The following ZBTB20 variants were observed in gnomAD, a reference collection of about 807,000 sequenced individuals.
The protein encoded by ZBTB20 is zinc finger and BTB domain-containing protein 20.
A neutral mutation model predicts 56.9 loss-of-function variants in ZBTB20; 9 were observed. The observed-to-expected ratio is 0.16, with a 90% CI of 0.10 to 0.28. The LOEUF (loss-of-function observed/expected upper bound fraction) is 0.28, where lower values mean the gene tolerates loss of function less well. ZBTB20 is among the 10% of genes least tolerant of loss of function. ZBTB20 has a pLI of 1.00. For missense variants in ZBTB20, 655 were observed against 1,003.0 expected (o/e 0.65, Z 4.69); for synonymous variants, 417 against 420.7 (o/e 0.99, Z 0.11).
intron 3 of ZBTB20, among the ~76,000 whole-genome samples, chr3:114,924,377 T>G (rs1486008693): frequency 6.6e-6 from 1 of 152,198 alleles, no homozygotes; most frequent in Non-Finnish European, 1.5e-5. Context: ...AAATATTATT[T>G]TGCCATAAAA....
chr3:114,606,050 C>T (rs957318841), intron 6 of ZBTB20, among the ~76,000 whole-genome samples: 1 of 152,084 alleles, frequency 6.6e-6, no homozygotes, highest in African/African-American at 2.4e-5. Context: ...AACAACGTTC[C>T]CAGCAGAGAA....
intron 2 of ZBTB20, among the ~76,000 whole-genome samples, chr3:115,053,915 C>G (rs2081651229): frequency 6.6e-6 from 1 of 152,028 alleles, no homozygotes; most frequent in African/African-American, 2.4e-5. Context: ...GTTGGTTTAT[C>G]ATTATATTGC....
At chr3:114,938,981 G>A (rs902498253) in intron 3 of ZBTB20, among the ~76,000 whole-genome samples, 1 of 144,998 alleles carries the variant, frequency 6.9e-6, no homozygotes, top group Non-Finnish European at 1.5e-5. Flanking sequence ...CTAGTATTGG[G>A]CAGAAATGTC....
chr3:114,982,583 T>A (rs2078372691), intron 2 of ZBTB20, among the ~76,000 whole-genome samples: 1 of 152,024 alleles, frequency 6.6e-6, no homozygotes, highest in Admixed American at 6.6e-5. Flanking sequence ...TATAAATTCA[T>A]TCCATTTAAT....
chr3:115,128,968 G>A (rs1321183448), intron 1 of ZBTB20, among the ~76,000 whole-genome samples: 4 of 151,930 alleles, frequency 2.6e-5, no homozygotes, highest in Non-Finnish European at 5.9e-5. Flanking sequence ...GCGTGGTGTC[G>A]GGCGCCTGTA....
Position 114,350,729 on chromosome 3 carries a change from T to C in ZBTB20, c.1349A>G (p.Asn450Ser), listed in dbSNP as rs2080591676. 1 of 1,614,208 alleles carries C rather than the reference T, an allele frequency of 6.2e-7. No homozygotes were observed. The highest frequency in any genetic ancestry group is 1.3e-5 in the African/African-American group (1 of 75,068). Residue 450 changes from asparagine (N) to serine (S), a missense_variant, in exon 11 of 12, where the codon AAC becomes AGC. Coordinates refer to ENST00000675478, the MANE Select transcript of ZBTB20 (RefSeq NM_001348800.3). ...TTGTAGGACGCTCTTGTCGGAGCTG[T>C]TGCTGACAGTGATAACAGTGCTGTC... ...EMDSTVITVS[N>S]SSDKSVLQQP... is the part of the protein sequence containing the mutation.
At chr3:114,649,406 T>C (rs2060010328) in intron 6 of ZBTB20, among the ~76,000 whole-genome samples, 1 of 152,026 alleles carries the variant, frequency 6.6e-6, no homozygotes, top group Admixed American at 6.6e-5. Context: ...TGGGCTCATT[T>C]AATAAAAGAA....
At chr3:114,829,427 T>C (rs2073723299) in intron 4 of ZBTB20, among the ~76,000 whole-genome samples, 1 of 151,894 alleles carries the variant, frequency 6.6e-6, no homozygotes, top group African/African-American at 2.4e-5. Context: ...ACATTTAGTC[T>C]GAGTTTCCCA....
At chr3:114,678,222 A>C (rs530642894) in intron 6 of ZBTB20, among the ~76,000 whole-genome samples, 1 of 152,340 alleles carries the variant, frequency 6.6e-6, no homozygotes, top group South Asian at 2.1e-4. Flanking sequence ...ACAAGAAAAT[A>C]AAAACATATT....
chr3:114,998,911 T>C (rs945788194), intron 2 of ZBTB20, among the ~76,000 whole-genome samples: 7 of 150,136 alleles, frequency 4.7e-5, no homozygotes, highest in African/African-American at 1.7e-4. Flanking sequence ...GATCCATATA[T>C]AGTAACTGAA....
intron 6 of ZBTB20, among the ~76,000 whole-genome samples, chr3:114,629,505 T>A (rs188210866): frequency 5.6e-4 from 86 of 152,296 alleles, no homozygotes; most frequent in Admixed American, 1.0e-3. Flanking sequence ...AAATTTGATA[T>A]TTAAACTGTA....
intron 6 of ZBTB20, among the ~76,000 whole-genome samples, chr3:114,572,186 T>G (rs1490707381): frequency 6.6e-6 from 1 of 152,230 alleles, no homozygotes; most frequent in Non-Finnish European, 1.5e-5. Flanking sequence ...TCTGAAGAAC[T>G]ATACTACTGT....
intron 3 of ZBTB20, among the ~76,000 whole-genome samples, chr3:114,903,794 T>C (rs2075216965): frequency 6.6e-6 from 1 of 151,976 alleles, no homozygotes; most frequent in Admixed American, 6.6e-5. Flanking sequence ...GTCTTAGCAA[T>C]CACATGTAGG....
chr3:114,706,879 T>C (rs902394753), intron 5 of ZBTB20, among the ~76,000 whole-genome samples: 1 of 152,100 alleles, frequency 6.6e-6, no homozygotes, highest in African/African-American at 2.4e-5. Flanking sequence ...TAGTTTAATT[T>C]AAGCAAAGAA....
intron 7 of ZBTB20, among the ~76,000 whole-genome samples, chr3:114,461,395 T>C (rs2109133934): frequency 6.7e-6 from 1 of 148,246 alleles, no homozygotes; most frequent in Admixed American, 6.7e-5. Context: ...CTCAACCACC[T>C]GAGCTCAAGG....
At chr3:114,670,344 T>G (rs1231255077) in intron 6 of ZBTB20, among the ~76,000 whole-genome samples, 2 of 152,138 alleles carry the variant, frequency 1.3e-5, no homozygotes, top group East Asian at 3.9e-4. Flanking sequence ...GAGGAGGAAA[T>G]AAGAGGTGGA....
At chr3:115,072,732 C>T (rs1363624506) in intron 1 of ZBTB20, among the ~76,000 whole-genome samples, 3 of 152,182 alleles carry the variant, frequency 2.0e-5, no homozygotes, top group Non-Finnish European at 2.9e-5. Flanking sequence ...CCCTTCTCCA[C>T]TACTGTTCCA....
intron 7 of ZBTB20, among the ~76,000 whole-genome samples, chr3:114,411,472 T>C (rs1351972673): frequency 6.6e-6 from 1 of 152,182 alleles, no homozygotes; most frequent in Non-Finnish European, 1.5e-5. Flanking sequence ...AGTAAAAAAC[T>C]GGCATTCCAC....
chr3:114,546,877 A>C (rs1308273231), intron 6 of ZBTB20, among the ~76,000 whole-genome samples: 1 of 152,232 alleles, frequency 6.6e-6, no homozygotes, highest in Non-Finnish European at 1.5e-5. Flanking sequence ...TAATGGATAT[A>C]CATTTTCCAA....
Sources: gnomAD v4.1 joint callset for allele counts (sites outside exome capture counted in the v4.1 genomes callset) on GRCh38, gnomAD v4.1.1 for gene constraint, MANE v1.5 for transcripts, NCBI Gene and HGNC (gene_info 2026-07-23, HGNC 2026-07-21) for gene names.